The following TEKT3 variants were observed in gnomAD, a reference collection of about 807,000 sequenced individuals.
TEKT3 encodes tektin-3.
TEKT3 carries 49 observed loss-of-function variants against 49.8 expected under a neutral mutation model. The ratio of observed to expected loss-of-function variants is 0.98; its 90% CI spans 0.78 to 1.25. TEKT3 has a LOEUF of 1.25. Among genes scored for constraint, TEKT3 ranks in the 50% most tolerant of loss-of-function variants. The pLI is 0.00. For synonymous variants in TEKT3, 225 were observed against 237.2 expected (o/e 0.95, Z 0.47); for missense variants, 595 against 629.5 (o/e 0.95, Z 0.59).
intron 2 of TEKT3, among the ~76,000 whole-genome samples, chr17:15,335,684 C>A (rs1911950728): frequency 6.6e-6 from 1 of 152,116 alleles, no homozygotes; most frequent in Non-Finnish European, 1.5e-5. Flanking sequence ...AAAAATGTAA[C>A]CCCTAAAGAA....
chr17:15,334,377 G>A (rs917593902), intron 2 of TEKT3, among the ~76,000 whole-genome samples: 1 of 152,172 alleles, frequency 6.6e-6, no homozygotes, highest in Admixed American at 6.5e-5. Flanking sequence ...GACAATAAGA[G>A]ATCCAGAAAC....
At chr17:15,332,876 C>A (rs937830798) in intron 2 of TEKT3, among the ~76,000 whole-genome samples, 1 of 152,118 alleles carries the variant, frequency 6.6e-6, no homozygotes, top group African/African-American at 2.4e-5. Flanking sequence ...ATAGTTGTAT[C>A]TTTCCAGATT....
At chr17:15,321,170 T>C (rs230887) in intron 4 of TEKT3, among the ~76,000 whole-genome samples, 71,040 of 151,408 alleles carry the variant, frequency 0.47, 17,886 homozygotes, top group African/African-American at 0.65. Context: ...CCACCATGCC[T>C]GGCTAATTTT....
intron 4 of TEKT3, among the ~76,000 whole-genome samples, chr17:15,325,062 A>T (rs1012065508): frequency 2.6e-5 from 4 of 152,250 alleles, no homozygotes. Context: ...ATTGTCAAAG[A>T]TCAATAGATG....
chr17:15,315,589 GAA>G (rs35107929), intron 5 of TEKT3, among the ~76,000 whole-genome samples: 141 of 125,138 alleles, frequency 1.1e-3, no homozygotes, highest in East Asian at 3.6e-3. Context: ...ACACCAGTGA[GAA>G]AAAAAAAAAA....
intron 4 of TEKT3, among the ~76,000 whole-genome samples, chr17:15,325,125 G>A (rs530195205): frequency 6.6e-4 from 101 of 152,332 alleles, no homozygotes; most frequent in African/African-American, 2.4e-3. Context: ...TTGTTAGGCA[G>A]GTACTACACT....
chr17:15,337,242 GTCCTGAGATAAAAATGTTTT>G (rs1309619755), intron 2 of TEKT3, among the ~76,000 whole-genome samples: 1 of 151,920 alleles, frequency 6.6e-6, no homozygotes, highest in Non-Finnish European at 1.5e-5. Flanking sequence ...ATGTAAAGGT[GTCCTGAGATAAAAATGTTTT>G]TGAACCACTG....
In TEKT3 at chr17:15,312,420, C is replaced by T; in HGVS notation, c.940G>A (p.Glu314Lys). Residue 314 changes from glutamate to lysine, a missense_variant, in exon 7 of 9, where the codon GAA becomes AAA. Transcript: ENST00000395930. ...TDDNILRSQS[E>K]RAASAKLRDD... ...CTTAGCTTAGCGGAAGCTGCCCGTT[C>T]ACTCTGGGAGCGGAGAATATTGTCA... The T allele has an allele frequency of 6.2e-7, 1 of 1,614,176 alleles. No individual in the cohort carries two copies. The highest frequency in any genetic ancestry group is 8.5e-7 in the Non-Finnish European group (1 of 1,180,036).
At position 15,328,011 on chromosome 17, in the gene TEKT3, A is replaced by G. The variant is rs1337354835; in HGVS notation, c.644T>C (p.Val215Ala). 1 of 1,614,030 alleles carries G rather than the reference A, an allele frequency of 6.2e-7. No individual in the cohort carries two copies. The highest frequency in any genetic ancestry group is 1.7e-5 in the Admixed American group (1 of 60,024). ...RMGIDLVHDEVEAQLLTEVDT... is the reference protein window; with the variant it reads ...RMGIDLVHDEAEAQLLTEVDT... ...ATTTACCGTCAGCAGTTGTGCTTCAACTTCATCGTGAACTAGGTCGATTCC... is the reference window on the plus strand; with the variant it reads ...ATTTACCGTCAGCAGTTGTGCTTCAGCTTCATCGTGAACTAGGTCGATTCC... Residue 215 changes from valine (V) to alanine (A), a missense_variant, in exon 4 of 9, where the codon GTT (valine) becomes GCT (alanine). Coordinates refer to ENST00000395930, the MANE Select transcript of TEKT3 (RefSeq NM_031898.3).
intron 7 of TEKT3, among the ~76,000 whole-genome samples, chr17:15,311,694 C>A: frequency 6.6e-6 from 1 of 152,116 alleles, no homozygotes; most frequent in East Asian, 1.9e-4. Flanking sequence ...TCCACAGAAA[C>A]AATAAGAGCT....
chr17:15,342,355 G>A (rs902141377), upstream of TEKT3, among the ~76,000 whole-genome samples: 14 of 152,198 alleles, frequency 9.2e-5, no homozygotes, highest in Admixed American at 8.5e-4. Context: ...TTTCCATGAG[G>A]CAGCAGTCTA....
intron 7 of TEKT3, chr17:15,311,311 C>T (rs940028311): frequency 6.6e-6 from 1 of 152,170 alleles, no homozygotes; most frequent in African/African-American, 2.4e-5. Flanking sequence ...CAACATGGCT[C>T]ATGGTGCAAG....
chr17:15,333,362 C>T (rs1466542041), intron 2 of TEKT3, among the ~76,000 whole-genome samples: 1 of 152,142 alleles, frequency 6.6e-6, no homozygotes, highest in Non-Finnish European at 1.5e-5. Flanking sequence ...TGTAGAATTG[C>T]GTTCAAGTCA....
At chr17:15,307,898 G>A (rs993516983) in intron 8 of TEKT3, among the ~76,000 whole-genome samples, 1 of 152,160 alleles carries the variant, frequency 6.6e-6, no homozygotes, top group African/African-American at 2.4e-5. Context: ...ATTGTGGCGG[G>A]GGTAGGGAGG....
chr17:15,317,057 T>C (rs1911040602), intron 5 of TEKT3, among the ~76,000 whole-genome samples: 1 of 152,188 alleles, frequency 6.6e-6, no homozygotes, highest in African/African-American at 2.4e-5. Context: ...TGATAAACTC[T>C]CTTCCAGTCA....
At chr17:15,343,379 G>A (rs924076507), upstream of TEKT3, among the ~76,000 whole-genome samples, 1 of 152,158 alleles carries the variant, frequency 6.6e-6, no homozygotes, top group Admixed American at 6.5e-5. Context: ...AAAAAAAATT[G>A]TCTCATGATT....
At chr17:15,321,999 C>T (rs1032795400) in intron 4 of TEKT3, among the ~76,000 whole-genome samples, 95 of 152,092 alleles carry the variant, frequency 6.2e-4, no homozygotes, top group South Asian at 8.3e-4. Context: ...GTGCACACTC[C>T]CAGGTCTTGG....
Position 15,312,337 on chromosome 17 carries a change from G to T in TEKT3, c.1023C>A (p.Asn341Lys). The change falls in exon 7 of 9, where the codon AAC becomes AAA. Residue 341 changes from asparagine to lysine, a missense_variant. Transcript: ENST00000395930. Reference protein sequence around the residue: ...VTANEMWNQFNKVNLSFTNRI... With the variant: ...VTANEMWNQFKKVNLSFTNRI... ...GATTGGTGAAAGACAAGTTCACTTT[G>T]TTGAATTGATTCCACATCTCATTGG... 6.2e-7 allele frequency: 1 copy of T among 1,614,226 alleles called. No homozygotes were observed. Among genetic ancestry groups the T allele is most frequent in the Non-Finnish European group, 8.5e-7 (1 of 1,180,040 alleles).
rs745373341 is a variant in TEKT3 at position 15,314,095 on chromosome 17, G to A, written c.870C>T (p.Val290=). 16 of 1,614,138 alleles carry A rather than the reference G, an allele frequency of 9.9e-6. No individual in the cohort carries two copies. The South Asian group carries it at 1.3e-4, about 13-fold the overall frequency. Residue 290 remains valine, a synonymous_variant, in exon 6 of 9, where the codon GTC becomes GTT. Coordinates refer to ENST00000395930, the MANE Select transcript of TEKT3 (RefSeq NM_031898.3). ...GVGYFRGVER[V]DATVSVPESW... ...GCGTGTGCCTGACTTACGTTGCATC[G>A]ACCCTCTCCACTCCGCGGAAGTAGC...
Sources: allele counts gnomAD v4.1 joint callset (sites outside exome capture counted in the v4.1 genomes callset), GRCh38; gene constraint gnomAD v4.1.1; transcripts MANE v1.5; gene names NCBI Gene and HGNC (gene_info 2026-07-23, HGNC 2026-07-21).